NKTR: variants seen among roughly 807,000 people sequenced by gnomAD.
NKTR encodes the protein NK-tumor recognition protein.
In NKTR, 67 loss-of-function variants were observed where a neutral mutation model predicts 156.3. The ratio of observed to expected loss-of-function variants is 0.43; its 90% CI spans 0.35 to 0.53. The LOEUF (loss-of-function observed/expected upper bound fraction) is 0.53, where lower values mean the gene tolerates loss of function less well. Ranked by LOEUF, NKTR falls within the 20% of genes least tolerant of loss-of-function variation. NKTR has a pLI of 0.01. For synonymous variants in NKTR, 640 were observed against 596.6 expected (o/e 1.07, Z -1.06); for missense variants, 1,604 against 1,730.9 (o/e 0.93, Z 1.30).
At chr3:42,617,234 A>T (rs934062182) in intron 2 of NKTR, among the ~76,000 whole-genome samples, 1 of 152,186 alleles carries the variant, frequency 6.6e-6, no homozygotes, top group Non-Finnish European at 1.5e-5. Flanking sequence ...AAATCAAACA[A>T]CTATTGAGAG....
At chr3:42,606,217 A>T (rs1706217474) in intron 2 of NKTR, among the ~76,000 whole-genome samples, 1 of 152,186 alleles carries the variant, frequency 6.6e-6, no homozygotes, top group Non-Finnish European at 1.5e-5. Context: ...AAAGAAAAAA[A>T]TATTTTTACT....
At position 42,639,576 on chromosome 3, in the gene NKTR, C is replaced by T; in HGVS notation, c.3872C>T (p.Pro1291Leu). Residue 1291 changes from proline (P) to leucine (L), a missense_variant, in exon 13 of 17, where the codon CCA becomes CTA. Pro to Leu is a moderately conservative substitution (Grantham distance 98, BLOSUM62 -3). Around this residue, in one of 6 missense-constraint regions of NKTR, gnomAD observed 193 missense variants for 220.2 expected, o/e 0.88. Transcript: ENST00000232978. The stretch of plus-strand genomic sequence containing the variant: ...AAGACAGCACGCTTAAACCGTAGAC[C>T]AAGAAATCAGGAGAGTTCAAGTGAT... ...VRKTARLNRR[P>L]RNQESSSDEQ... The T allele has an allele frequency of 6.2e-7, 1 of 1,614,164 alleles. No individual in the cohort carries two copies. Among genetic ancestry groups the T allele is most frequent in the African/African-American group, 1.3e-5 (1 of 75,042 alleles).
In NKTR at chr3:42,646,187, G is replaced by A; in HGVS notation, c.*212G>A. The A allele has an allele frequency of 2.5e-6, 1 of 397,298 alleles. No individual in the cohort carries two copies. Among genetic ancestry groups the A allele is most frequent in the Non-Finnish European group, 4.7e-6 (1 of 214,478 alleles). 24.6% of individuals were successfully genotyped at this position (397,298 alleles called of 1,614,324 possible). A position where few individuals can be genotyped will look rare whatever the true frequency, so the allele number is the denominator to read the frequency against. On this transcript the variant is annotated 3_prime_UTR_variant, in exon 17 of 17. Transcript: ENST00000232978. ...TATTTTTATGCCACATTTTACAGTAGCCAACTATGGAAATGAATTTCATTT... is the reference window on the plus strand; with the variant it reads ...TATTTTTATGCCACATTTTACAGTAACCAACTATGGAAATGAATTTCATTT...
intron 5 of NKTR, chr3:42,620,237 A>G: frequency 7.9e-7 from 1 of 1,266,882 alleles, no homozygotes; most frequent in Non-Finnish European, 9.9e-7. Context: ...ATTTCACATC[A>G]GAGAAAAGAG....
rs749711394 is a variant in NKTR, at chr3:42,637,546, C to T, written c.1842C>T (p.Pro614=). Residue 614 remains proline (P), a synonymous_variant, in exon 13 of 17, where the codon CCC becomes CCT. Transcript: ENST00000232978. Reference sequence around the variant, plus strand: ...CTGTAATACCACTGAGTGACAGTCCCCCCCCTTCAAGATGGAAGCCTGGAC... The same window carrying T: ...CTGTAATACCACTGAGTGACAGTCCTCCCCCTTCAAGATGGAAGCCTGGAC... ...NIPVIPLSDS[P]PPSRWKPGQK... is the part of the protein sequence containing the mutation. The T allele has an allele frequency of 1.2e-6, 2 of 1,613,938 alleles. No individual in the cohort carries two copies. Among genetic ancestry groups the T allele is most frequent in the South Asian group, 1.1e-5 (1 of 91,012 alleles).
In NKTR at chr3:42,631,183, C is replaced by A; in HGVS notation, c.417C>A (p.Val139=). ...TGTATTATGACAGGGTGCATGTAGT[C>A]TTTGGACTGGTTATTTCTGGTTTTG... ...PAPHLDGVHV[V]FGLVISGFEV... is the part of the protein sequence containing the mutation. The change falls in exon 8 of 17, where the codon GTC becomes GTA. Residue 139 remains valine (V), a synonymous_variant. Coordinates refer to ENST00000232978, the MANE Select transcript of NKTR (RefSeq NM_005385.4). 1 of 1,613,912 alleles carries A rather than the reference C, an allele frequency of 6.2e-7. No homozygotes were observed. Among genetic ancestry groups the A allele is most frequent in the South Asian group, 1.1e-5 (1 of 91,046 alleles).
Position 42,643,995 on chromosome 3 carries a change from G to A in NKTR, c.4293G>A (p.Arg1431=), listed in dbSNP as rs1428442108. 3 of 1,613,450 alleles carry A rather than the reference G, an allele frequency of 1.9e-6. No homozygotes were observed. The South Asian group carries it at 3.3e-5, about 18-fold the overall frequency. Residue 1431 remains arginine, a synonymous_variant, in exon 16 of 17, where the codon CGG becomes CGA. Transcript: ENST00000232978. ...DSYHRGRSYN[R]RSRSCRSYGS... ...ACCACCGAGGCAGAAGTTATAATCG[G>A]CGGTCCAGGTGGGTCTCTCTCCTTT...
chr3:42,628,011 C>G (rs754109189), intron 6 of NKTR: 16 of 985,268 alleles, frequency 1.6e-5, no homozygotes, highest in Non-Finnish European at 1.8e-5. Flanking sequence ...CCCTCTTTGG[C>G]TAATGTCCTC....
chr3:42,638,821 A>G lies in NKTR; in HGVS notation c.3117A>G (p.Ser1039=). The change falls in exon 13 of 17, where the codon TCA becomes TCG. Residue 1039 remains serine (S), a synonymous_variant. Coordinates refer to ENST00000232978, the MANE Select transcript of NKTR (RefSeq NM_005385.4). ...ATGACAAGCAAGTTACTCAGGAATCAAAAGAGAAAAAAGTTTCTGAAAACA... is the reference window on the plus strand; with the variant it reads ...ATGACAAGCAAGTTACTCAGGAATCGAAAGAGAAAAAAGTTTCTGAAAACA... ...EIDDKQVTQE[S]KEKKVSENNE... 6.2e-7 allele frequency: 1 copy of G among 1,602,548 alleles called. No homozygotes were observed. The highest frequency in any genetic ancestry group is 8.5e-7 in the Non-Finnish European group (1 of 1,177,174).
intron 6 of NKTR, chr3:42,629,689 T>A (rs1708715934): frequency 1.0e-6 from 1 of 978,154 alleles, no homozygotes; most frequent in African/African-American, 1.7e-5. Flanking sequence ...ATTCTGAGAC[T>A]AATTATCTGC....
Position 42,638,219 on chromosome 3 carries a change from GA to G in NKTR, c.2522del (p.Asn841ThrfsTer21). 6.2e-7 allele frequency: 1 copy of G among 1,611,968 alleles called. No homozygotes were observed. Among genetic ancestry groups the G allele is most frequent in the South Asian group, 1.1e-5 (1 of 90,758 alleles). On this transcript the variant is annotated frameshift_variant, in exon 13 of 17. Transcript: ENST00000232978. LOFTEE classifies it high-confidence loss of function. ...AATGGAAAGAACACATAATAAACAA[GA>G]AAAAAACAGAGGTGAAGAAAAATCC... is the stretch of plus-strand genomic sequence containing the variant. Reference protein sequence around the residue: ...GQMERTHNKQEKNRGEEKSKS... With the variant: ...GQMERTHNKQXKNRGEEKSKS...
In NKTR at chr3:42,620,956, T is replaced by C. The variant is rs974002536; in HGVS notation, c.287-473T>C. The C allele has an allele frequency of 5.5e-6, 5 of 904,826 alleles. No individual in the cohort carries two copies. In the South Asian group the frequency reaches 2.5e-4, roughly 46 times the overall value. The allele number at this position is 904,826 out of a possible 1,614,324, so 56.0% of individuals were successfully genotyped here. ...CTGTAACTTAATATAACATAATTTT[T>C]TTGTCTTACAGTCTAGCTTCAATTA... On this transcript the variant is annotated intron_variant, in intron 5 of 16. Transcript: ENST00000232978.
rs114279329 is a variant in NKTR at position 42,633,553 on chromosome 3, T to C, written c.774-27T>C. 892 of 1,598,654 alleles carry C rather than the reference T, an allele frequency of 5.6e-4. 4 individuals are homozygous for C. In the African/African-American group the frequency reaches 0.011, roughly 20 times the overall value. On this transcript the variant is annotated intron_variant, in intron 9 of 16. Coordinates refer to ENST00000232978, the MANE Select transcript of NKTR (RefSeq NM_005385.4). ...TTATGAAATGCAAACATTATACATT[T>C]TAATCAGTGACTTGGTTTGTTCTAA...
Position 42,635,274 on chromosome 3 carries a change from C to T in NKTR, c.1071C>T (p.Asp357=). 1 of 1,613,230 alleles carries T rather than the reference C, an allele frequency of 6.2e-7. No individual in the cohort carries two copies. Among genetic ancestry groups the T allele is most frequent in the Non-Finnish European group, 8.5e-7 (1 of 1,179,340 alleles). ...SRSCSESDDD[D]SSETPPHWKE... is the part of the protein sequence containing the mutation. ...CCTGTTCTGAGTCAGATGATGATGA[C>T]AGCAGTGAAACTCCTCCTCACTGGA... is the stretch of plus-strand genomic sequence containing the variant. Residue 357 remains aspartate (D), a synonymous_variant, in exon 12 of 17, where the codon GAC becomes GAT. Transcript: ENST00000232978.
chr3:42,645,420 C>T (rs1710266165), intron 16 of NKTR, among the ~76,000 whole-genome samples: 1 of 152,136 alleles, frequency 6.6e-6, no homozygotes, highest in Non-Finnish European at 1.5e-5. Context: ...CACGGTGGCT[C>T]ACGCCTGTAA....
At chr3:42,606,838 A>G (rs1706280999) in intron 2 of NKTR, among the ~76,000 whole-genome samples, 2 of 151,988 alleles carry the variant, frequency 1.3e-5, no homozygotes, top group South Asian at 2.1e-4. Flanking sequence ...ATAGTGAGAC[A>G]CTATCCCTAA....
chr3:42,638,357 T>C lies in NKTR; in HGVS notation c.2653T>C (p.Trp885Arg). The change falls in exon 13 of 17, where the codon TGG becomes CGG. Residue 885 changes from tryptophan (W) to arginine (R), a missense_variant. Trp to Arg is a moderately radical substitution (Grantham distance 101). Coordinates refer to ENST00000232978, the MANE Select transcript of NKTR (RefSeq NM_005385.4). Reference protein sequence around the residue: ...PKRKNYAGSKWDSESNSERDV... With the variant: ...PKRKNYAGSKRDSESNSERDV... ...AAGGAAGAATTATGCTGGTAGTAAA[T>C]GGGACTCTGAGTCAAATTCAGAACG... 1 of 1,613,628 alleles carries C rather than the reference T, an allele frequency of 6.2e-7. No individual in the cohort carries two copies. Among genetic ancestry groups the C allele is most frequent in the South Asian group, 1.1e-5 (1 of 90,948 alleles).
chr3:42,617,877 A>G (rs1707527820), intron 3 of NKTR, among the ~76,000 whole-genome samples: 1 of 152,176 alleles, frequency 6.6e-6, no homozygotes, highest in Admixed American at 6.5e-5. Flanking sequence ...AATCTACGTT[A>G]TATAATGGAA....
chr3:42,617,430 G>A (rs1003094931), intron 2 of NKTR, 140 bp from the exon 3 acceptor site: 24 of 560,254 alleles, frequency 4.3e-5, no homozygotes, highest in Admixed American at 9.7e-5. Context: ...CCAGTTAAAT[G>A]CTTTCCCATT....
Sources: gnomAD v4.1 joint callset for allele counts (sites outside exome capture counted in the v4.1 genomes callset) on GRCh38, gnomAD v4.1.1 for gene constraint, gnomAD v4.1.1 regional missense constraint, MANE v1.5 for transcripts, NCBI Gene and HGNC (gene_info 2026-07-23, HGNC 2026-07-21) for gene names.